Variants in DPYSL5 observed in about 807,000 individuals in gnomAD.
The protein encoded by DPYSL5 is dihydropyrimidinase-related protein 5.
DPYSL5 carries 9 observed loss-of-function variants against 58.4 expected under a neutral mutation model. The observed-to-expected ratio is 0.15, with a 90% CI of 0.09 to 0.27. The LOEUF is 0.27. Ranked by LOEUF, DPYSL5 falls within the 10% of genes least tolerant of loss-of-function variation. DPYSL5 has a pLI of 1.00. For missense variants in DPYSL5, 499 were observed against 770.6 expected, an observed-to-expected ratio of 0.65 and a Z score of 4.17; for synonymous variants, 293 against 301.9, an observed-to-expected ratio of 0.97 and a Z score of 0.31.
chr2:26,878,885 C>G (rs552378267), intron 1 of DPYSL5, among the ~76,000 whole-genome samples: 6 of 152,332 alleles, frequency 3.9e-5, no homozygotes, highest in African/African-American at 1.4e-4. Flanking sequence ...TGGTGAACTC[C>G]TAAGCAACCA....
intron 1 of DPYSL5, among the ~76,000 whole-genome samples, chr2:26,888,612 A>AT (rs1663789603): frequency 6.6e-6 from 1 of 152,008 alleles, no homozygotes; most frequent in South Asian, 2.1e-4. Flanking sequence ...AACTGTCTGG[A>AT]TTTTTTCCCA....
intron 5 of DPYSL5, among the ~76,000 whole-genome samples, chr2:26,931,152 A>AAAAAAAAAAT (rs1209140758): frequency 2.0e-5 from 1 of 48,804 alleles, no homozygotes; most frequent in African/African-American, 6.6e-5. Context: ...AAAAAAAAAA[A>AAAAAAAAAAT]ATATATATAT....
At position 26,949,154 on chromosome 2, in the gene DPYSL5, C is replaced by T. The variant is rs1267954374; in HGVS notation, c.*2159C>T. ...TTTAACCAATGAGAAGACTTACTTTCCTGGTAGGCAGCCTGCTTTGTTTTG... is the reference window on the plus strand; with the variant it reads ...TTTAACCAATGAGAAGACTTACTTTTCTGGTAGGCAGCCTGCTTTGTTTTG... On this transcript the variant is annotated 3_prime_UTR_variant, in exon 13 of 13. Transcript: ENST00000288699. The T allele has an allele frequency of 6.6e-6, 1 of 152,234 alleles. No individual in the cohort carries two copies. The highest frequency in any genetic ancestry group is 1.5e-5 in the Non-Finnish European group (1 of 68,052). The allele number at this position is 152,234 out of a possible 1,614,324, so 9.4% of individuals were successfully genotyped here.
intron 1 of DPYSL5, among the ~76,000 whole-genome samples, chr2:26,885,199 A>C (rs1663685378): frequency 6.6e-6 from 1 of 152,066 alleles, no homozygotes; most frequent in Non-Finnish European, 1.5e-5. Flanking sequence ...ACTCTGTCTC[A>C]AAAAACAAAA....
At chr2:26,852,475 G>C (rs774734712) in intron 1 of DPYSL5, among the ~76,000 whole-genome samples, 2 of 152,158 alleles carry the variant, frequency 1.3e-5, no homozygotes, top group Non-Finnish European at 2.9e-5. Flanking sequence ...TGTATGATTT[G>C]TTCTACTTCA....
At chr2:26,859,891 A>G (rs1451739304) in intron 1 of DPYSL5, among the ~76,000 whole-genome samples, 3 of 152,176 alleles carry the variant, frequency 2.0e-5, no homozygotes, top group Non-Finnish European at 4.4e-5. Flanking sequence ...GTTGTTTGAG[A>G]TGGGCTTGAA....
intron 12 of DPYSL5, among the ~76,000 whole-genome samples, chr2:26,945,166 T>G (rs1157827055): frequency 2.0e-5 from 3 of 152,030 alleles, no homozygotes; most frequent in Non-Finnish European, 2.9e-5. Flanking sequence ...CAGCCCTGTC[T>G]GTGGTTCACG....
intron 2 of DPYSL5, among the ~76,000 whole-genome samples, chr2:26,923,003 AGAGTTT>A (rs1242769973): frequency 1.3e-5 from 2 of 152,170 alleles, no homozygotes; most frequent in African/African-American, 4.8e-5. Context: ...CAAGGTTGTG[AGAGTTT>A]TCATTTTAAT....
chr2:26,939,969 C>G (rs997361029), intron 8 of DPYSL5, 62 bp from the exon 9 acceptor site: 28 of 1,604,578 alleles, frequency 1.7e-5, no homozygotes, highest in Non-Finnish European at 2.3e-5. Context: ...CTATATCTAT[C>G]CTCACCCTCT....
chr2:26,889,870 C>T (rs894754824), intron 1 of DPYSL5, among the ~76,000 whole-genome samples: 2 of 152,114 alleles, frequency 1.3e-5, no homozygotes, highest in Non-Finnish European at 2.9e-5. Context: ...AGACCAGCAA[C>T]GTCCTCCCTT....
Position 26,944,844 on chromosome 2 carries a change from G to T in DPYSL5, c.1609+20G>T, listed in dbSNP as rs774113266. The T allele has an allele frequency of 6.8e-6, 11 of 1,612,042 alleles. No homozygotes were observed. The South Asian group carries it at 1.2e-4, about 18-fold the overall frequency. ...TCTCTGGTAAGAGTCAGGGGGCCAC[G>T]GGAGGAGGATGGGGGTCTGGGAGAA... On this transcript the variant is annotated intron_variant, in intron 12 of 12. Transcript: ENST00000288699. The surrounding 1 kb of genome is among the most constrained non-coding windows in gnomAD (Gnocchi z 4.4).
chr2:26,913,886 A>G (rs1664498346), intron 2 of DPYSL5, among the ~76,000 whole-genome samples: 1 of 152,022 alleles, frequency 6.6e-6, no homozygotes. Context: ...GTCTCACCAT[A>G]AAAACCATGC....
At chr2:26,869,748 A>T (rs556867004) in intron 1 of DPYSL5, among the ~76,000 whole-genome samples, 75 of 152,302 alleles carry the variant, frequency 4.9e-4, no homozygotes, top group African/African-American at 1.8e-3. Flanking sequence ...GCGGTGGCTC[A>T]CACCTGTAAT....
At chr2:26,916,495 A>C (rs1362994115) in intron 2 of DPYSL5, among the ~76,000 whole-genome samples, 1 of 151,968 alleles carries the variant, frequency 6.6e-6, no homozygotes, top group South Asian at 2.1e-4. Context: ...CACCACCTCC[A>C]CCCACACAAG....
At chr2:26,876,929 A>G (rs1352816366) in intron 1 of DPYSL5, among the ~76,000 whole-genome samples, 1 of 146,632 alleles carries the variant, frequency 6.8e-6, no homozygotes, top group Admixed American at 6.8e-5. Context: ...TAACTACCCC[A>G]TTCACCAGTG....
chr2:26,940,980 G>A (rs1406863000), intron 9 of DPYSL5, among the ~76,000 whole-genome samples: 3 of 146,242 alleles, frequency 2.1e-5, no homozygotes, highest in South Asian at 4.3e-4. Flanking sequence ...TCTGTTGCCC[G>A]GGCTGGAGTA....
At chr2:26,894,292 CTT>C (rs1663959966) in intron 1 of DPYSL5, among the ~76,000 whole-genome samples, 2 of 152,194 alleles carry the variant, frequency 1.3e-5, no homozygotes, top group African/African-American at 4.8e-5. Flanking sequence ...TCTTCACACT[CTT>C]CTCAAATCCA....
chr2:26,855,656 C>T (rs1056043150), intron 1 of DPYSL5, among the ~76,000 whole-genome samples: 3 of 152,144 alleles, frequency 2.0e-5, no homozygotes, highest in Non-Finnish European at 4.4e-5. Flanking sequence ...CTCAATCACA[C>T]CATCTTTGTG....
At chr2:26,865,011 C>T (rs1666106499) in intron 1 of DPYSL5, among the ~76,000 whole-genome samples, 1 of 152,178 alleles carries the variant, frequency 6.6e-6, no homozygotes, top group South Asian at 2.1e-4. Flanking sequence ...GCCTCCAGAC[C>T]ACCCTCAGCA....
Sources: allele counts gnomAD v4.1 joint callset (sites outside exome capture counted in the v4.1 genomes callset), GRCh38; gene constraint gnomAD v4.1.1; non-coding constraint Gnocchi (gnomAD v3.1); transcripts MANE v1.5; gene names NCBI Gene and HGNC (gene_info 2026-07-23, HGNC 2026-07-21).